ZNF184: variants seen among roughly 807,000 people sequenced by gnomAD.
ZNF184 encodes the protein zinc finger protein 184 (Kruppel-like).
In ZNF184, 16 loss-of-function variants were observed where a neutral mutation model predicts 54.4. That is an observed-to-expected ratio of 0.29 (90% confidence interval 0.20 to 0.45). ZNF184 has a LOEUF of 0.45. Among genes scored for constraint, ZNF184 ranks in the 20% least tolerant of loss-of-function variants. The pLI, the probability that ZNF184 is intolerant of heterozygous loss-of-function variation, is 1.00. For missense variants in ZNF184, 681 were observed against 888.2 expected, an observed-to-expected ratio of 0.77 and a Z score of 2.97; for synonymous variants, 254 against 295.3, an observed-to-expected ratio of 0.86 and a Z score of 1.43.
chr6:27,470,816 T>C (rs1763256420), intron 2 of ZNF184, among the ~76,000 whole-genome samples: 1 of 152,112 alleles, frequency 6.6e-6, no homozygotes, highest in African/African-American at 2.4e-5. Context: ...TTAATCCTAA[T>C]GATAAAATTG....
the ZNF184 span, among the ~76,000 whole-genome samples, chr6:27,432,733 C>G: frequency 2.0e-5 from 3 of 152,204 alleles, no homozygotes; most frequent in Non-Finnish European, 2.9e-5. The surrounding 1 kb of genome is among the most constrained non-coding windows in gnomAD (Gnocchi z 4.0). Context: ...CAGAACCTTG[C>G]TAGTCTCTGG....
At chr6:27,440,375 A>G in the ZNF184 span, among the ~76,000 whole-genome samples, 2 of 152,204 alleles carry the variant, frequency 1.3e-5, no homozygotes, top group South Asian at 4.1e-4. Context: ...AGTTTCACTT[A>G]TGGTAAGCGG....
the ZNF184 span, among the ~76,000 whole-genome samples, chr6:27,439,177 C>T: frequency 6.8e-3 from 1,039 of 152,260 alleles, 15 homozygotes; most frequent in African/African-American, 0.024. Context: ...TGAGAAGCAA[C>T]GCCCTAGAAT....
Position 27,472,160 on chromosome 6 carries a change from T to C in ZNF184, c.7+128A>G. Reference sequence around the variant, plus strand: ...CTCCCTACAATGTAATTCGGTTTCTTTGCTAATCCCTAAGCATACCGTTCC... The same window carrying C: ...CTCCCTACAATGTAATTCGGTTTCTCTGCTAATCCCTAAGCATACCGTTCC... On this transcript the variant is annotated intron_variant, in intron 2 of 5. Coordinates refer to ENST00000683788, the MANE Select transcript of ZNF184 (RefSeq NM_001318891.2). The surrounding 1 kb of genome is among the most constrained non-coding windows in gnomAD (Gnocchi z 4.8). 1 of 1,270,252 alleles carries C rather than the reference T, an allele frequency of 7.9e-7. No individual in the cohort carries two copies. The highest frequency in any genetic ancestry group is 1.5e-5 in the African/African-American group (1 of 67,014). The allele number at this position is 1,270,252 out of a possible 1,614,324, so 78.7% of individuals were successfully genotyped here.
At chr6:27,434,954 A>C in the ZNF184 span, among the ~76,000 whole-genome samples, 1 of 152,094 alleles carries the variant, frequency 6.6e-6, no homozygotes, top group African/African-American at 2.4e-5. Context: ...CTCTTGTTGA[A>C]TATCAATTGG....
At position 27,452,870 on chromosome 6, in the gene ZNF184, G is replaced by C; in HGVS notation, c.689C>G (p.Ala230Gly). 1 of 1,614,134 alleles carries C rather than the reference G, an allele frequency of 6.2e-7. No individual in the cohort carries two copies. Among genetic ancestry groups the C allele is most frequent in the Non-Finnish European group, 8.5e-7 (1 of 1,180,004 alleles). ...AATAAGAGCTGAACAATAACTAAAGGCTTTCCCACATTCATTGCACTTACA... is the reference window on the plus strand; with the variant it reads ...AATAAGAGCTGAACAATAACTAAAGCCTTTCCCACATTCATTGCACTTACA... ...KSCKCNECGKAFSYCSALIRH... is the reference protein window; with the variant it reads ...KSCKCNECGKGFSYCSALIRH... Residue 230 changes from alanine to glycine, a missense_variant, in exon 6 of 6, where the codon GCC (alanine) becomes GGC (glycine). Ala to Gly is a moderately conservative substitution (Grantham distance 60). Transcript: ENST00000683788. This position sits in a 1 kb window ranked among gnomAD's most constrained non-coding sequence, Gnocchi z 5.5.
At chr6:27,410,107 G>A in the ZNF184 span, among the ~76,000 whole-genome samples, 1 of 152,234 alleles carries the variant, frequency 6.6e-6, no homozygotes, top group Non-Finnish European at 1.5e-5. Context: ...GCTATACCAT[G>A]TAGGTTTGTG....
At chr6:27,423,725 A>G in the ZNF184 span, among the ~76,000 whole-genome samples, 2 of 138,162 alleles carry the variant, frequency 1.4e-5, no homozygotes, top group East Asian at 1.9e-4. Context: ...ATATTTATAT[A>G]TCTATATACA....
At chr6:27,471,343 A>C (rs1186550709) in intron 2 of ZNF184, among the ~76,000 whole-genome samples, 4 of 152,258 alleles carry the variant, frequency 2.6e-5, no homozygotes, top group African/African-American at 9.6e-5. Context: ...CATAAATGTA[A>C]GTCATGACAT....
At chr6:27,408,532 A>C in the ZNF184 span, among the ~76,000 whole-genome samples, 2 of 152,226 alleles carry the variant, frequency 1.3e-5, no homozygotes, top group African/African-American at 4.8e-5. Context: ...AAGACACAGC[A>C]TAAGAAGAAT....
chr6:27,428,987 C>T, the ZNF184 span, among the ~76,000 whole-genome samples: 1 of 152,198 alleles, frequency 6.6e-6, no homozygotes, highest in Admixed American at 6.5e-5. This position sits in a 1 kb window ranked among gnomAD's most constrained non-coding sequence, Gnocchi z 4.1. Flanking sequence ...AGGGTCTCTT[C>T]TTCTCAAATT....
chr6:27,462,724 T>G lies in ZNF184; in HGVS notation c.75+5129A>C, dbSNP rs554431844. 4.5e-4 allele frequency among the ~76,000 whole-genome samples: 68 copies of G among 150,652 alleles called. 1 individual carries two copies. The highest frequency in any genetic ancestry group is 1.6e-3 in the African/African-American group (65 of 41,140). The stretch of plus-strand genomic sequence containing the variant: ...CTAAAAGTGCAAAAAAATTAGCCAG[T>G]CATGGTGGTGAGCGCCTGTAATCCC... On this transcript the variant is annotated intron_variant, in intron 3 of 5. Coordinates refer to ENST00000683788, the MANE Select transcript of ZNF184 (RefSeq NM_001318891.2).
the ZNF184 span, among the ~76,000 whole-genome samples, chr6:27,422,172 G>GAAAGAAAGAA: frequency 6.0e-5 from 2 of 33,364 alleles, no homozygotes; most frequent in Non-Finnish European, 1.4e-4. Flanking sequence ...AAGAAAGAAA[G>GAAAGAAAGAA]AAAGAAAGAA....
the ZNF184 span, among the ~76,000 whole-genome samples, chr6:27,410,897 A>T: frequency 6.6e-6 from 1 of 152,088 alleles, no homozygotes; most frequent in East Asian, 1.9e-4. Context: ...GGTAGAAGAG[A>T]CTGTATGGTT....
the ZNF184 span, among the ~76,000 whole-genome samples, chr6:27,441,633 C>T: frequency 6.6e-6 from 1 of 152,060 alleles, no homozygotes; most frequent in East Asian, 1.9e-4. Context: ...CACAAATCTC[C>T]TAGGATTCTT....
chr6:27,429,684 T>C, the ZNF184 span, among the ~76,000 whole-genome samples: 2 of 152,186 alleles, frequency 1.3e-5, no homozygotes, highest in Admixed American at 1.3e-4. Context: ...TGCACTATTC[T>C]CTTCTTTTTG....
At chr6:27,408,898 A>G in the ZNF184 span, among the ~76,000 whole-genome samples, 1 of 152,178 alleles carries the variant, frequency 6.6e-6, no homozygotes, top group Non-Finnish European at 1.5e-5. Context: ...AGGAAGTGAA[A>G]AGATAATTCA....
At position 27,457,047 on chromosome 6, in the gene ZNF184, A is replaced by G. The variant is rs1762873548; in HGVS notation, c.203-126T>C. ...AAAACCTGATGGGAGTGGATAGCATATCAAGCTTTAGTGTTACCAGTTCCC... is the reference window on the plus strand; with the variant it reads ...AAAACCTGATGGGAGTGGATAGCATGTCAAGCTTTAGTGTTACCAGTTCCC... On this transcript the variant is annotated intron_variant, in intron 4 of 5. Transcript: ENST00000683788. 6 of 974,378 alleles carry G rather than the reference A, an allele frequency of 6.2e-6. 1 individual carries two copies. In the South Asian group the frequency reaches 9.8e-5, roughly 16 times the overall value. The allele number at this position is 974,378 out of a possible 1,614,324, so 60.4% of individuals were successfully genotyped here.
At chr6:27,426,964 T>C in the ZNF184 span, among the ~76,000 whole-genome samples, 2 of 152,038 alleles carry the variant, frequency 1.3e-5, no homozygotes, top group African/African-American at 4.8e-5. The surrounding 1 kb of genome is among the most constrained non-coding windows in gnomAD (Gnocchi z 4.2). Context: ...GTAGGGGTAA[T>C]AAGCCCATGA....
Sources: gnomAD v4.1 joint callset for allele counts (sites outside exome capture counted in the v4.1 genomes callset) on GRCh38, gnomAD v4.1.1 for gene constraint, Gnocchi (gnomAD v3.1) non-coding constraint, MANE v1.5 for transcripts, NCBI Gene and HGNC (gene_info 2026-07-23, HGNC 2026-07-21) for gene names.